Variants in SYTL5 observed in about 807,000 individuals in gnomAD.
SYTL5 encodes the protein synaptotagmin-like protein 5.
Under a neutral mutation model 55.9 loss-of-function variants are expected in SYTL5, and 34 were observed. The observed-to-expected ratio is 0.61, with a 90% CI of 0.46 to 0.81. The LOEUF is 0.81. SYTL5 is among the 30% of genes least tolerant of loss of function. The probability of loss-of-function intolerance (pLI) is 0.00; values close to 1 mark genes in which losing one functional copy is unlikely to be tolerated. For missense variants in SYTL5, 637 were observed against 546.7 expected (o/e 1.17, Z -1.65); for synonymous variants, 221 against 188.7 (o/e 1.17, Z -1.40).
chrX:38,065,894 G>C (rs1413625708), intron 3 of SYTL5, among the ~76,000 whole-genome samples: 1 of 111,476 alleles, frequency 9.0e-6, no homozygotes, highest in African/African-American at 3.3e-5. Context: ...GAGGTCAGGA[G>C]TTTGAGATCA....
chrX:37,932,306 G>A, the SYTL5 span, among the ~76,000 whole-genome samples: 1 of 110,936 alleles, frequency 9.0e-6, no homozygotes, highest in Non-Finnish European at 1.9e-5. Context: ...CACAGGAAAT[G>A]TAGGGGTTGG....
the SYTL5 span, among the ~76,000 whole-genome samples, chrX:37,962,903 C>T: frequency 6.3e-5 from 7 of 111,748 alleles, no homozygotes; most frequent in South Asian, 2.6e-3. Context: ...GCGCCACCTC[C>T]AAATACTATC....
intron 2 of SYTL5, among the ~76,000 whole-genome samples, chrX:38,050,174 C>T (rs1935584250): frequency 8.9e-6 from 1 of 112,159 alleles, no homozygotes; most frequent in African/African-American, 3.2e-5. Flanking sequence ...CAGCTAATTG[C>T]TTCCATTCTA....
chrX:37,955,832 C>T, the SYTL5 span, among the ~76,000 whole-genome samples: 39,836 of 110,416 alleles, frequency 0.36, 5,180 homozygotes, highest in East Asian at 0.6. Flanking sequence ...CCAACCTGAG[C>T]ATTTGTATCA....
chrX:37,905,601 T>C, the SYTL5 span, among the ~76,000 whole-genome samples: 2 of 108,258 alleles, frequency 1.8e-5, no homozygotes, highest in Admixed American at 2.0e-4. Context: ...ATGGCGGGGG[T>C]GGGGTCTTTG....
At chrX:37,905,658 G>A in the SYTL5 span, among the ~76,000 whole-genome samples, 51 of 112,440 alleles carry the variant, frequency 4.5e-4, no homozygotes, top group African/African-American at 1.6e-3. Flanking sequence ...CCTGAAGCCC[G>A]TTTGGCACAG....
At chrX:37,892,432 T>G in the SYTL5 span, among the ~76,000 whole-genome samples, 1 of 103,263 alleles carries the variant, frequency 9.7e-6, no homozygotes, top group Non-Finnish European at 2.0e-5. Flanking sequence ...CTTCATTTGC[T>G]ATAAGTTTGA....
At chrX:37,979,252 A>G in the SYTL5 span, among the ~76,000 whole-genome samples, 2 of 110,133 alleles carry the variant, frequency 1.8e-5, no homozygotes, top group African/African-American at 3.3e-5. Context: ...GAAGGAGGTT[A>G]TAGTCACATT....
chrX:38,038,021 C>T (rs1410896633), intron 2 of SYTL5, among the ~76,000 whole-genome samples: 1 of 110,990 alleles, frequency 9.0e-6, no homozygotes, highest in Non-Finnish European at 1.9e-5. Context: ...AGCCTGAAGA[C>T]AGGGAGAGAA....
the SYTL5 span, among the ~76,000 whole-genome samples, chrX:37,958,068 G>A: frequency 9.0e-6 from 1 of 110,816 alleles, no homozygotes; most frequent in African/African-American, 3.3e-5. Context: ...AATTAGCCAG[G>A]TGGAGTAGTG....
the SYTL5 span, chrX:37,906,057 G>C: frequency 8.8e-6 from 1 of 113,163 alleles, no homozygotes; most frequent in Non-Finnish European, 1.9e-5. Context: ...CCCGCCTGGG[G>C]TCTGCATTTC....
chrX:38,062,648 C>T (rs1007030509), intron 3 of SYTL5, among the ~76,000 whole-genome samples: 1 of 111,617 alleles, frequency 9.0e-6, no homozygotes, highest in African/African-American at 3.3e-5. Flanking sequence ...GCTGGTCTTG[C>T]ACTTACAGGT....
the SYTL5 span, among the ~76,000 whole-genome samples, chrX:37,919,434 A>C: frequency 4.9e-4 from 55 of 111,926 alleles, 3 homozygotes; most frequent in South Asian, 0.019. Context: ...ATATAGGGAG[A>C]ATATAAAGGA....
intron 6 of SYTL5, among the ~76,000 whole-genome samples, chrX:38,083,256 G>T (rs764635304): frequency 9.6e-4 from 107 of 111,176 alleles, no homozygotes; most frequent in Middle Eastern, 4.6e-3. Context: ...ATATTATCAC[G>T]TTGAGAGTAC....
chrX:38,068,048 T>A (rs1294198070), intron 3 of SYTL5, among the ~76,000 whole-genome samples: 1 of 111,974 alleles, frequency 8.9e-6, no homozygotes, highest in Non-Finnish European at 1.9e-5. Flanking sequence ...AACAAATGTT[T>A]AATATCCATA....
chrX:37,903,391 T>C, the SYTL5 span, among the ~76,000 whole-genome samples: 1 of 108,109 alleles, frequency 9.2e-6, no homozygotes, highest in African/African-American at 3.4e-5. Context: ...TGAGTTCATG[T>C]CCTTTGTAGG....
At chrX:38,107,448 T>C (rs5918474) in intron 11 of SYTL5, among the ~76,000 whole-genome samples, 8,678 of 111,682 alleles carry the variant, frequency 0.078, 393 homozygotes, top group Non-Finnish European at 0.12. Context: ...AAATGTTGTC[T>C]GCCAAGGAAG....
intron 2 of SYTL5, among the ~76,000 whole-genome samples, chrX:38,048,493 G>A (rs141483164): frequency 1.5e-3 from 151 of 103,539 alleles, no homozygotes; most frequent in African/African-American, 5.2e-3. Context: ...TTTTCATGCT[G>A]CTGATAAAGA....
intron 6 of SYTL5, among the ~76,000 whole-genome samples, chrX:38,087,289 G>A (rs1348544109): frequency 1.8e-5 from 2 of 111,992 alleles, no homozygotes; most frequent in Non-Finnish European, 3.8e-5. Context: ...GCATCAATGG[G>A]AAAGTCTCTA....
Sources: allele counts gnomAD v4.1 joint callset (sites outside exome capture counted in the v4.1 genomes callset), GRCh38; gene constraint gnomAD v4.1.1; transcripts MANE v1.5; gene names NCBI Gene and HGNC (gene_info 2026-07-23, HGNC 2026-07-21).